The following CPS1 variants were observed in gnomAD, a reference collection of about 807,000 sequenced individuals.
CPS1 encodes carbamoyl-phosphate synthase 1, also known as carbamoyl-phosphate synthase [ammonia], mitochondrial.
Under a neutral mutation model 174.6 loss-of-function variants are expected in CPS1, and 109 were observed. The observed-to-expected ratio is 0.62, with a 90% CI of 0.53 to 0.73. CPS1 has a LOEUF of 0.73. CPS1 is among the 30% of genes least tolerant of loss of function. The pLI, the probability that CPS1 is intolerant of heterozygous loss-of-function variation, is 0.00. For synonymous variants in CPS1, 637 were observed against 632.0 expected, an observed-to-expected ratio of 1.01 and a Z score of -0.12; for missense variants, 1,689 against 1,821.9, an observed-to-expected ratio of 0.93 and a Z score of 1.33.
rs889832018 is a variant in CPS1, at chr2:210,528,513, A to G, written c.4-28206A>G. 2.6e-5 allele frequency among the ~76,000 whole-genome samples: 4 copies of G among 151,948 alleles called. No homozygotes were observed. The East Asian group carries it at 5.8e-4, about 22-fold the overall frequency. ...TTCTGGTTAAAAGTAATGGAAATCA[A>G]TAAGTCAAAGAAAAGGTAATTTATT... is the stretch of plus-strand genomic sequence containing the variant. On this transcript the variant is annotated intron_variant, in intron 1 of 38. Transcript: ENST00000430249.
At chr2:210,654,254 ACAATT>A in intron 29 of CPS1, 152 bp downstream of exon 29, 1 of 701,786 alleles carries the variant, frequency 1.4e-6, no homozygotes, top group South Asian at 1.6e-5. Flanking sequence ...AAATTCTCTG[ACAATT>A]CAGTTGATGT....
At chr2:210,502,513 AT>A (rs1295102379) in intron 1 of CPS1, among the ~76,000 whole-genome samples, 3 of 148,300 alleles carry the variant, frequency 2.0e-5, no homozygotes, top group Non-Finnish European at 3.0e-5. Context: ...TATATTTTTT[AT>A]ATATATATAC....
At position 210,599,573 on chromosome 2, in the gene CPS1, T is replaced by C. The variant is rs1485515161; in HGVS notation, c.1549+12T>C. On this transcript the variant is annotated intron_variant, in intron 14 of 37. Coordinates refer to ENST00000233072, the MANE Select transcript of CPS1 (RefSeq NM_001875.5). The stretch of plus-strand genomic sequence containing the variant: ...AGCTCTGAACTGTGGTGAGTTCTTA[T>C]AAGCTTAATTGCAGAGTTTTGACAT... The C allele has an allele frequency of 1.2e-6, 2 of 1,611,756 alleles. No individual in the cohort carries two copies. The highest frequency in any genetic ancestry group is 1.7e-6 in the Non-Finnish European group (2 of 1,178,382).
intron 3 of CPS1, 54 bp from the exon 4 acceptor site, chr2:210,577,367 G>A (rs1697747688): frequency 8.2e-6 from 11 of 1,343,450 alleles, no homozygotes; most frequent in Non-Finnish European, 1.2e-5. Flanking sequence ...TGACTCACAA[G>A]AGTTGGATAA....
chr2:210,544,644 C>A (rs1049847770), intron 1 of CPS1, among the ~76,000 whole-genome samples: 2 of 151,892 alleles, frequency 1.3e-5, no homozygotes, highest in African/African-American at 4.8e-5. Context: ...TAGAATTTTC[C>A]TCGTACTAGT....
intron 37 of CPS1, among the ~76,000 whole-genome samples, 154 bp downstream of exon 37, chr2:210,677,290 A>G (rs1257621720): frequency 1.3e-5 from 2 of 152,224 alleles, no homozygotes; most frequent in African/African-American, 2.4e-5. Flanking sequence ...TGATGCTAAC[A>G]TGGTAGGTCA....
rs897168073 is a variant in CPS1, at chr2:210,677,009, T to G, written c.4277T>G (p.Leu1426Trp). ...QNPSLSSIRKLIRDGSIDLVI... is the reference protein window; with the variant it reads ...QNPSLSSIRKWIRDGSIDLVI... ...TAAGTTTTTGTTTATTTTTCCAGATTGATTAGAGATGGCAGCATTGACCTA... is the reference window on the plus strand; with the variant it reads ...TAAGTTTTTGTTTATTTTTCCAGATGGATTAGAGATGGCAGCATTGACCTA... Residue 1426 changes from leucine to tryptophan, a missense_variant and splice_region_variant, in exon 37 of 38, where the codon TTG becomes TGG. Physicochemically the swap from Leu to Trp is moderately conservative, Grantham distance 61. Coordinates refer to ENST00000233072, the MANE Select transcript of CPS1 (RefSeq NM_001875.5). 2.5e-6 allele frequency: 4 copies of G among 1,613,466 alleles called. No homozygotes were observed. Among genetic ancestry groups the G allele is most frequent in the Non-Finnish European group, 3.4e-6 (4 of 1,179,444 alleles).
In CPS1 at chr2:210,668,318, T is replaced by C. The variant is rs532238326; in HGVS notation, c.4101+34T>C. ...TTTGTGGCTGTGTGCTTGCCCATGG[T>C]CATACATGGTGAGTGGGGAGGGGCA... On this transcript the variant is annotated intron_variant, in intron 34 of 37. Coordinates refer to ENST00000233072, the MANE Select transcript of CPS1 (RefSeq NM_001875.5). 1.2e-5 allele frequency: 17 copies of C among 1,398,628 alleles called. No homozygotes were observed. The South Asian group carries it at 1.8e-4, about 15-fold the overall frequency. 86.6% of individuals were successfully genotyped at this position (1,398,628 alleles called of 1,614,324 possible). A position where few individuals can be genotyped will look rare whatever the true frequency, so the allele number is the denominator to read the frequency against.
rs954009021 is a variant in CPS1 at position 210,509,427 on chromosome 2, C to G, written c.3+31661C>G. 2.6e-5 allele frequency among the ~76,000 whole-genome samples: 4 copies of G among 152,270 alleles called. No homozygotes were observed. The South Asian group carries it at 6.2e-4, about 24-fold the overall frequency. ...TGACAAACCCACAGCCAATATCATA[C>G]TGAATGGGCAAAAACTGGAAGCATT... On this transcript the variant is annotated intron_variant, in intron 1 of 38. Coordinates refer to the CPS1 transcript ENST00000430249.
intron 1 of CPS1, among the ~76,000 whole-genome samples, chr2:210,546,336 A>G (rs1297387599): frequency 6.6e-6 from 1 of 152,182 alleles, no homozygotes; most frequent in Non-Finnish European, 1.5e-5. Flanking sequence ...CACAACGTGA[A>G]TGAAGCAAAC....
chr2:210,499,451 C>T (rs1307152409), intron 1 of CPS1, among the ~76,000 whole-genome samples: 1 of 152,098 alleles, frequency 6.6e-6, no homozygotes, highest in Non-Finnish European at 1.5e-5. Context: ...TGATGAGGCA[C>T]TTTCTGTAAT....
chr2:210,594,397 A>C (rs1012937696), intron 11 of CPS1, 111 bp from the exon 12 acceptor site: 56 of 741,418 alleles, frequency 7.6e-5, no homozygotes, highest in Non-Finnish European at 2.3e-6. Context: ...TGCTATAATA[A>C]AAATTATTTG....
At chr2:210,666,305 T>C (rs12993913) in intron 33 of CPS1, among the ~76,000 whole-genome samples, 11,752 of 149,530 alleles carry the variant, frequency 0.079, 442 homozygotes, top group Middle Eastern at 0.11. Flanking sequence ...TAGTTTCTTT[T>C]GCTGTGCAGA....
At chr2:210,588,342 CTTT>C (rs1698176743) in intron 7 of CPS1, among the ~76,000 whole-genome samples, 195 bp downstream of exon 7, 3 of 150,686 alleles carry the variant, frequency 2.0e-5, no homozygotes, top group African/African-American at 7.3e-5. Context: ...TATGTTTTTT[CTTT>C]AAAAAAAAAA....
Position 210,647,957 on chromosome 2 carries a change from G to C in CPS1, c.3236G>C (p.Ser1079Thr). The C allele has an allele frequency of 6.2e-7, 1 of 1,614,038 alleles. No homozygotes were observed. Residue 1079 changes from serine (S) to threonine (T), a missense_variant, in exon 26 of 38, where the codon AGC (serine) becomes ACC (threonine). Ser to Thr is a moderately conservative substitution (Grantham distance 58). Transcript: ENST00000233072. ...YKNGVKIMGT[S>T]PLQIDRAEDR... ...AATGGTGTCAAGATCATGGGCACAAGCCCCCTGCAGATCGACAGGGCTGAG... is the reference window on the plus strand; with the variant it reads ...AATGGTGTCAAGATCATGGGCACAACCCCCCTGCAGATCGACAGGGCTGAG...
At chr2:210,622,409 T>G (rs1470192010) in intron 21 of CPS1, among the ~76,000 whole-genome samples, 1 of 151,456 alleles carries the variant, frequency 6.6e-6, no homozygotes, top group Middle Eastern at 3.2e-3. Context: ...CAGAAACAGG[T>G]TTGCTTGGGG....
intron 1 of CPS1, among the ~76,000 whole-genome samples, chr2:210,540,649 A>G (rs1253027974): frequency 6.6e-6 from 1 of 152,160 alleles, no homozygotes; most frequent in Non-Finnish European, 1.5e-5. Flanking sequence ...TAGTAGGTGT[A>G]TTCCCATTTT....
At chr2:210,661,903 CTT>C (rs397987631) in intron 32 of CPS1, among the ~76,000 whole-genome samples, 23 of 106,640 alleles carry the variant, frequency 2.2e-4, no homozygotes, top group East Asian at 1.1e-3. Flanking sequence ...GATAGATATG[CTT>C]TTTTTTTTTT....
At chr2:210,611,996 C>G (rs1699141037) in intron 19 of CPS1, 121 bp from the exon 20 acceptor site, 11 of 795,844 alleles carry the variant, frequency 1.4e-5, no homozygotes, top group South Asian at 1.7e-5. Context: ...ATTTGAGAGG[C>G]TTTATGATAT....
Sources: allele counts gnomAD v4.1 joint callset (sites outside exome capture counted in the v4.1 genomes callset), GRCh38; gene constraint gnomAD v4.1.1; transcripts MANE v1.5; gene names NCBI Gene and HGNC (gene_info 2026-07-23, HGNC 2026-07-21).